ZNF746: variants seen among roughly 807,000 people sequenced by gnomAD.
ZNF746 encodes the protein parkin-interacting substrate.
ZNF746 carries 13 observed loss-of-function variants against 41.0 expected under a neutral mutation model. The observed-to-expected ratio is 0.32, with a 90% CI of 0.21 to 0.50. The LOEUF (loss-of-function observed/expected upper bound fraction) is 0.50. Ranked by LOEUF, ZNF746 falls within the 20% of genes least tolerant of loss-of-function variation. The probability of loss-of-function intolerance (pLI) is 0.98; values close to 1 mark genes in which losing one functional copy is unlikely to be tolerated. For synonymous variants in ZNF746, 424 were observed against 396.2 expected, an observed-to-expected ratio of 1.07 and a Z score of -0.83; for missense variants, 811 against 922.9, an observed-to-expected ratio of 0.88 and a Z score of 1.57.
chr7:149,492,422 T>C (rs1800834320), intron 4 of ZNF746, among the ~76,000 whole-genome samples: 1 of 152,254 alleles, frequency 6.6e-6, no homozygotes, highest in African/African-American at 2.4e-5. Context: ...TTATTGACTG[T>C]TCATAGTATC....
intron 4 of ZNF746, among the ~76,000 whole-genome samples, chr7:149,483,589 G>A (rs1800542062): frequency 6.6e-6 from 1 of 151,694 alleles, no homozygotes. Context: ...CCTGGCGACA[G>A]AGCGAGACTC....
Position 149,474,836 on chromosome 7 carries a change from CGCCGCCACTGCCGCT to C in ZNF746, c.1516_1530del (p.Ser506_Gly510del), listed in dbSNP as rs1246164464. ...CTGCCCCCACCGCTGCCGCCACCGCCGCCGCCACTGCCGCTGCCGCCACCGCCTGTGCCCGGGCCC... is the reference window on the plus strand; with the variant it reads ...CTGCCCCCACCGCTGCCGCCACCGCCGCCGCCACCGCCTGTGCCCGGGCCC... On this transcript the variant is annotated inframe_deletion, in exon 7 of 7. Transcript: ENST00000458143. The surrounding 1 kb of genome is among the most constrained non-coding windows in gnomAD (Gnocchi z 6.3). 58 of 1,410,716 alleles carry C rather than the reference CGCCGCCACTGCCGCT, an allele frequency of 4.1e-5. No homozygotes were observed. The highest frequency in any genetic ancestry group is 4.1e-4 in the East Asian group (14 of 34,250). 87.4% of individuals were successfully genotyped at this position (1,410,716 alleles called of 1,614,324 possible). A position where few individuals can be genotyped will look rare whatever the true frequency, so the allele number is the denominator to read the frequency against.
chr7:149,476,439 A>G (rs1206864923), intron 6 of ZNF746, among the ~76,000 whole-genome samples: 2 of 146,408 alleles, frequency 1.4e-5, no homozygotes, highest in Admixed American at 1.3e-4. Context: ...GGGTGCTAAA[A>G]TATGACGTTA....
chr7:149,476,182 C>T (rs563868884), intron 6 of ZNF746, among the ~76,000 whole-genome samples: 9 of 151,906 alleles, frequency 5.9e-5, no homozygotes, highest in South Asian at 2.1e-4. Context: ...GGCGTGGTGG[C>T]GGGCACCTGT....
chr7:149,480,407 GA>G (rs1391841854), intron 4 of ZNF746, among the ~76,000 whole-genome samples: 1 of 151,680 alleles, frequency 6.6e-6, no homozygotes, highest in East Asian at 1.9e-4. Context: ...AGAATGGTGA[GA>G]AAAAATAACT....
chr7:149,476,862 G>A, intron 6 of ZNF746, 60 bp downstream of exon 6: 2 of 1,610,460 alleles, frequency 1.2e-6, no homozygotes, highest in South Asian at 1.1e-5. Flanking sequence ...GGGATGCCTG[G>A]ACCGAGGTAC....
At chr7:149,495,578 C>G (rs900829773) in intron 1 of ZNF746, among the ~76,000 whole-genome samples, 19 of 152,192 alleles carry the variant, frequency 1.2e-4, no homozygotes, top group African/African-American at 4.6e-4. Context: ...GTATCGGGAC[C>G]TGAGGATCAA....
Position 149,494,175 on chromosome 7 carries a change from TCCCA to T in ZNF746, c.324+25_324+28del. 6.2e-7 allele frequency: 1 copy of T among 1,613,450 alleles called. No individual in the cohort carries two copies. The highest frequency in any genetic ancestry group is 8.5e-7 in the Non-Finnish European group (1 of 1,179,540). Reference sequence around the variant, plus strand: ...CGCTCACGGGTTTGGCCGCTTGGGCTCCCACACCCCAAGGCGTCCCAGGGCTACC... The same window carrying T: ...CGCTCACGGGTTTGGCCGCTTGGGCTCACCCCAAGGCGTCCCAGGGCTACC... On this transcript the variant is annotated intron_variant, in intron 2 of 6. Transcript: ENST00000458143. This position sits in a 1 kb window ranked among gnomAD's most constrained non-coding sequence, Gnocchi z 5.6.
rs540216673 is a variant in ZNF746, at chr7:149,474,287, C to G, written c.*97G>C. ...CAGCAACTTGGACATTTGGTTCTCC[C>G]CGTCCCGCGTCTGCCTGAAGCTTCC... is the stretch of plus-strand genomic sequence containing the variant. On this transcript the variant is annotated 3_prime_UTR_variant, in exon 7 of 7. Transcript: ENST00000458143. This position sits in a 1 kb window ranked among gnomAD's most constrained non-coding sequence, Gnocchi z 6.3. The G allele has an allele frequency of 7.1e-7, 1 of 1,406,346 alleles. No homozygotes were observed. Among genetic ancestry groups the G allele is most frequent in the Non-Finnish European group, 9.7e-7 (1 of 1,033,326 alleles). The allele number at this position is 1,406,346 out of a possible 1,614,324, so 87.1% of individuals were successfully genotyped here. A position where few individuals can be genotyped will look rare whatever the true frequency, so the allele number is the denominator to read the frequency against.
chr7:149,476,979 G>A lies in ZNF746; in HGVS notation c.826C>T (p.Pro276Ser), dbSNP rs1320461621. The A allele has an allele frequency of 2.5e-6, 4 of 1,613,922 alleles. No individual in the cohort carries two copies. Among genetic ancestry groups the A allele is most frequent in the Non-Finnish European group, 3.4e-6 (4 of 1,179,986 alleles). ...GTCCCGTCCGAGCATGCTGAAGAGGGATGGTGGGGAGGGAGATCCGTTTGC... is the reference window on the plus strand; with the variant it reads ...GTCCCGTCCGAGCATGCTGAAGAGGAATGGTGGGGAGGGAGATCCGTTTGC... ...SWQTDLPPHHPSSACSDGTLK... is the reference protein window; with the variant it reads ...SWQTDLPPHHSSSACSDGTLK... Residue 276 changes from proline to serine, a missense_variant, in exon 6 of 7, where the codon CCC (proline) becomes TCC (serine). Coordinates refer to ENST00000458143, the MANE Select transcript of ZNF746 (RefSeq NM_001394198.1).
chr7:149,496,405 C>CT lies in ZNF746; in HGVS notation c.24+1107dup, dbSNP rs1193247826. On this transcript the variant is annotated intron_variant, in intron 1 of 6. Coordinates refer to ENST00000458143, the MANE Select transcript of ZNF746 (RefSeq NM_001394198.1). ...CTGCCAGGGGAGCTGAAACTCTTTG[C>CT]TTGAGAGGAGCTGATGGTAAGAGGA... 3.3e-5 allele frequency among the ~76,000 whole-genome samples: 5 copies of CT among 152,280 alleles called. No individual in the cohort carries two copies. The East Asian group carries it at 9.7e-4, about 29-fold the overall frequency.
intron 4 of ZNF746, chr7:149,489,578 C>A (rs1353794816): frequency 5.9e-5 from 9 of 152,328 alleles, no homozygotes; most frequent in African/African-American, 1.9e-4. Flanking sequence ...GAGGAGGATT[C>A]CCAGTAGAGG....
intron 4 of ZNF746, among the ~76,000 whole-genome samples, chr7:149,487,208 A>G (rs1318801769): frequency 6.6e-6 from 1 of 152,152 alleles, no homozygotes; most frequent in African/African-American, 2.4e-5. Context: ...TTGGTGGAAA[A>G]ATTGTCTTCC....
chr7:149,493,959 T>C, intron 3 of ZNF746, 30 bp downstream of exon 3: 1 of 1,614,144 alleles, frequency 6.2e-7, no homozygotes, highest in East Asian at 2.2e-5. Context: ...CAAAATCCCA[T>C]TTAACAGAGA....
chr7:149,484,038 T>C (rs1414022781), intron 4 of ZNF746, among the ~76,000 whole-genome samples: 1 of 152,196 alleles, frequency 6.6e-6, no homozygotes, highest in Non-Finnish European at 1.5e-5. Flanking sequence ...TGAATAGTCC[T>C]GTAACTAAAA....
At chr7:149,482,640 T>C (rs1229668866) in intron 4 of ZNF746, among the ~76,000 whole-genome samples, 1 of 152,120 alleles carries the variant, frequency 6.6e-6, no homozygotes, top group African/African-American at 2.4e-5. Flanking sequence ...ATTTTTTATA[T>C]CTTTAGTAGA....
chr7:149,485,769 G>A lies in ZNF746; in HGVS notation c.565+7090C>T, dbSNP rs951787734. 2.6e-5 allele frequency among the ~76,000 whole-genome samples: 4 copies of A among 152,210 alleles called. 1 individual carries two copies. The South Asian group carries it at 6.2e-4, about 24-fold the overall frequency. On this transcript the variant is annotated intron_variant, in intron 4 of 6. Coordinates refer to ENST00000458143, the MANE Select transcript of ZNF746 (RefSeq NM_001394198.1). ...AAAGAACACTAACAGGCCAGGCACA[G>A]TGGTTCACGCCTGTAATCCCAGCAC...
At position 149,492,896 on chromosome 7, in the gene ZNF746, G is replaced by A. The variant is rs1178397370; in HGVS notation, c.528C>T (p.Gly176=). The change falls in exon 4 of 7, where the codon GGC becomes GGT. Residue 176 remains glycine, a synonymous_variant. Transcript: ENST00000458143. ...CCACAGGAACATCTGGAATCTTGGG[G>A]CCAGGGCGGCGCCAGTTGCAGGGCT... ...GKEPCNWRRP[G]PKIPDVPVDP... is the part of the protein sequence containing the mutation. 1.2e-6 allele frequency: 2 copies of A among 1,613,986 alleles called. No individual in the cohort carries two copies. Among genetic ancestry groups the A allele is most frequent in the African/African-American group, 2.7e-5 (2 of 74,916 alleles).
rs773011559 is a variant in ZNF746, at chr7:149,475,088, T to G, written c.1279A>C (p.Ile427Leu). 5 of 1,603,216 alleles carry G rather than the reference T, an allele frequency of 3.1e-6. No homozygotes were observed. In the African/African-American group the frequency reaches 6.7e-5, roughly 21 times the overall value. The stretch of plus-strand genomic sequence containing the variant: ...CTTGGGGCCTGGCTGGGGTCCAAGA[T>G]GGCCTCTCCGTTGTCCGGGGAGGAG... ...PYSSPDNGEA[I>L]LDPSQAPRPF... The change falls in exon 7 of 7, where the codon ATC (isoleucine) becomes CTC (leucine). Residue 427 changes from isoleucine (I) to leucine (L), a missense_variant. Physicochemically the swap from Ile to Leu is conservative, Grantham distance 5. This residue lies in a region of ZNF746 where 495 missense variants were observed against 481.6 expected (regional missense o/e 1.03). Transcript: ENST00000458143.
Sources: allele counts gnomAD v4.1 joint callset (sites outside exome capture counted in the v4.1 genomes callset), GRCh38; gene constraint gnomAD v4.1.1; regional missense constraint gnomAD v4.1.1; non-coding constraint Gnocchi (gnomAD v3.1); transcripts MANE v1.5; gene names NCBI Gene and HGNC (gene_info 2026-07-23, HGNC 2026-07-21).